PRICKLE1: variants seen among roughly 807,000 people sequenced by gnomAD.
The protein encoded by PRICKLE1 is prickle planar cell polarity protein 1.
Under a neutral mutation model 70.2 loss-of-function variants are expected in PRICKLE1, and 14 were observed. The ratio of observed to expected loss-of-function variants is 0.20; its 90% CI spans 0.13 to 0.31. The LOEUF is 0.31. Ranked by LOEUF, PRICKLE1 falls within the 10% of genes least tolerant of loss-of-function variation. The pLI, the probability that PRICKLE1 is intolerant of heterozygous loss-of-function variation, is 1.00. For missense variants in PRICKLE1, 821 were observed against 1,026.2 expected (o/e 0.80, Z 2.73); for synonymous variants, 357 against 379.9 (o/e 0.94, Z 0.70).
chr12:42,507,281 G>A (rs1939436953), intron 1 of PRICKLE1, among the ~76,000 whole-genome samples: 2 of 152,194 alleles, frequency 1.3e-5, no homozygotes. Context: ...CGTGTCATTT[G>A]GGGGATAGGG....
intron 1 of PRICKLE1, among the ~76,000 whole-genome samples, chr12:42,487,541 G>C (rs1262404117): frequency 6.6e-6 from 1 of 152,152 alleles, no homozygotes; most frequent in Non-Finnish European, 1.5e-5. Context: ...CTTCCTTTGT[G>C]AGGGAGGTAA....
At chr12:42,486,285 G>A (rs997493724) in intron 1 of PRICKLE1, among the ~76,000 whole-genome samples, 5 of 152,136 alleles carry the variant, frequency 3.3e-5, no homozygotes, top group African/African-American at 9.7e-5. Flanking sequence ...TTTATCGTTC[G>A]TTGTCTTTCT....
chr12:42,464,866 C>T lies in PRICKLE1; in HGVS notation c.1168G>A (p.Glu390Lys), dbSNP rs1179243084. 6.2e-7 allele frequency: 1 copy of T among 1,614,026 alleles called. No individual in the cohort carries two copies. The highest frequency in any genetic ancestry group is 8.5e-7 in the Non-Finnish European group (1 of 1,180,040). Reference sequence around the variant, plus strand: ...TCTACTCTGCCTTTCCAAAATTCTTCACTGGCAAAACTTGTTCCTTGTCTG... The same window carrying T: ...TCTACTCTGCCTTTCCAAAATTCTTTACTGGCAAAACTTGTTCCTTGTCTG... Reference protein sequence around the residue: ...LSRQGTSFASEEFWKGRVEQE... With the variant: ...LSRQGTSFASKEFWKGRVEQE... Residue 390 changes from glutamate to lysine, a missense_variant, in exon 7 of 8, where the codon GAA becomes AAA. Physicochemically the swap from Glu to Lys is moderately conservative, Grantham distance 56. Transcript: ENST00000345127. This position sits in a 1 kb window ranked among gnomAD's most constrained non-coding sequence, Gnocchi z 4.2.
chr12:42,518,196 A>T (rs1433071634), intron 1 of PRICKLE1, among the ~76,000 whole-genome samples: 1 of 151,612 alleles, frequency 6.6e-6, no homozygotes, highest in East Asian at 1.9e-4. Flanking sequence ...GGCATGCACC[A>T]CCATCCCCAG....
chr12:42,465,908 G>A, intron 6 of PRICKLE1: 1 of 498,316 alleles, frequency 2.0e-6, no homozygotes, highest in Non-Finnish European at 3.6e-6. Flanking sequence ...GCTGTGACCA[G>A]AGGCTCACAG....
intron 1 of PRICKLE1, among the ~76,000 whole-genome samples, chr12:42,521,963 T>C (rs961940054): frequency 2.1e-5 from 3 of 146,150 alleles, no homozygotes; most frequent in Non-Finnish European, 4.4e-5. Context: ...TGTGTGTGTG[T>C]GTGTGTGTTT....
intron 1 of PRICKLE1, among the ~76,000 whole-genome samples, chr12:42,518,199 AT>A (rs1939642850): frequency 6.6e-6 from 1 of 151,656 alleles, no homozygotes; most frequent in Non-Finnish European, 1.5e-5. Flanking sequence ...ATGCACCACC[AT>A]CCCCAGCTGA....
intron 1 of PRICKLE1, among the ~76,000 whole-genome samples, chr12:42,536,565 T>C (rs528106736): frequency 5.9e-5 from 9 of 152,286 alleles, no homozygotes; most frequent in African/African-American, 1.9e-4. Context: ...CTATATTCTT[T>C]TGTGTCCCAG....
chr12:42,465,383 A>G (rs1218071272), intron 6 of PRICKLE1, 125 bp from the exon 7 acceptor site: 1 of 845,068 alleles, frequency 1.2e-6, no homozygotes, highest in East Asian at 2.6e-5. Context: ...TGACACAGAT[A>G]TAATTAATCC....
At chr12:42,547,220 T>G (rs1394545264) in intron 1 of PRICKLE1, among the ~76,000 whole-genome samples, 1 of 152,222 alleles carries the variant, frequency 6.6e-6, no homozygotes, top group African/African-American at 2.4e-5. Context: ...AAACCTTTAC[T>G]GAGGCATCTT....
chr12:42,496,112 A>T (rs2140176046), intron 1 of PRICKLE1, among the ~76,000 whole-genome samples: 1 of 152,368 alleles, frequency 6.6e-6, no homozygotes, highest in East Asian at 1.9e-4. Context: ...TTTTTAAAGT[A>T]AGACTTGAAA....
chr12:42,542,242 GT>G (rs1293184518), intron 1 of PRICKLE1, among the ~76,000 whole-genome samples: 3 of 148,462 alleles, frequency 2.0e-5, no homozygotes, highest in African/African-American at 2.5e-5. Flanking sequence ...GTGGTCTTTG[GT>G]TTTTTTTTTA....
At chr12:42,468,488 A>ATTTC (rs1938188122) in intron 5 of PRICKLE1, 138 bp downstream of exon 5, 10 of 815,028 alleles carry the variant, frequency 1.2e-5, no homozygotes, top group Non-Finnish European at 2.0e-5. Flanking sequence ...TCATTGTATG[A>ATTTC]ATGTACAGGA....
rs184427398 is a variant in PRICKLE1 at position 42,544,580 on chromosome 12, C to G, written c.-49+44885G>C. ...CAAGTAAAAGTTAGTGAACATTACC[C>G]TTTGCAGGACAGGAGAGTTCCATCA... On this transcript the variant is annotated intron_variant, in intron 1 of 7. Transcript: ENST00000345127. Among the ~76,000 whole-genome samples the G allele has an allele frequency of 6.1e-4, 93 of 152,306 alleles. 1 individual carries two copies. Among genetic ancestry groups the G allele is most frequent in the Non-Finnish European group, 1.5e-4 (10 of 68,028 alleles).
intron 1 of PRICKLE1, among the ~76,000 whole-genome samples, chr12:42,484,899 CCTT>C (rs1186969643): frequency 6.6e-6 from 1 of 152,144 alleles, no homozygotes; most frequent in Non-Finnish European, 1.5e-5. Context: ...ACTATAGCCT[CCTT>C]ATCACAAGGT....
intron 1 of PRICKLE1, among the ~76,000 whole-genome samples, chr12:42,537,870 T>C (rs1940041509): frequency 6.6e-6 from 1 of 152,178 alleles, no homozygotes; most frequent in Non-Finnish European, 1.5e-5. Flanking sequence ...CAAACAATCG[T>C]GTAACAGTAA....
At chr12:42,522,887 T>C (rs748031836) in intron 1 of PRICKLE1, among the ~76,000 whole-genome samples, 1 of 152,170 alleles carries the variant, frequency 6.6e-6, no homozygotes, top group Non-Finnish European at 1.5e-5. Context: ...ATGCATTTTA[T>C]CCTTAGTCAC....
chr12:42,469,523 C>T lies in PRICKLE1; in HGVS notation c.311G>A (p.Arg104Gln), dbSNP rs113994140. The change falls in exon 4 of 8, where the codon CGG (arginine) becomes CAG (glutamine). Residue 104 changes from arginine (R) to glutamine (Q), a missense_variant. Physicochemically the swap from Arg to Gln is conservative, Grantham distance 43 (BLOSUM62 1). Transcript: ENST00000345127. ...TCCTCTTCCCAGTGCTTCTTTCTTC[C>T]GCTGAGCACTGAACACCTGCAACTC... ...KKELQVFSAQ[R>Q]KKEALGRGTI... 1.6e-5 allele frequency: 26 copies of T among 1,614,062 alleles called. No homozygotes were observed. Among genetic ancestry groups the T allele is most frequent in the South Asian group, 3.3e-5 (3 of 91,078 alleles).
chr12:42,553,213 C>A (rs929884536), intron 1 of PRICKLE1, among the ~76,000 whole-genome samples: 5 of 151,862 alleles, frequency 3.3e-5, no homozygotes, highest in Non-Finnish European at 5.9e-5. Flanking sequence ...GAGACCGAGG[C>A]GGGCGGATCA....
Sources: allele counts gnomAD v4.1 joint callset (sites outside exome capture counted in the v4.1 genomes callset), GRCh38; gene constraint gnomAD v4.1.1; non-coding constraint Gnocchi (gnomAD v3.1); transcripts MANE v1.5; gene names NCBI Gene and HGNC (gene_info 2026-07-23, HGNC 2026-07-21).